The following MED13 variants were observed in gnomAD, a reference collection of about 807,000 sequenced individuals.
The protein encoded by MED13 is mediator complex subunit 13, also known as mediator of RNA polymerase II transcription subunit 13.
A neutral mutation model predicts 225.2 loss-of-function variants in MED13; 23 were observed. The ratio of observed to expected loss-of-function variants is 0.10; its 90% CI spans 0.07 to 0.14. The LOEUF (loss-of-function observed/expected upper bound fraction) is 0.14. Among genes scored for constraint, MED13 ranks in the 10% least tolerant of loss-of-function variants. The pLI is 1.00. For missense variants in MED13, 2,197 were observed against 2,594.5 expected (o/e 0.85, Z 3.33); for synonymous variants, 942 against 889.2 (o/e 1.06, Z -1.06).
chr17:61,989,746 T>C (rs1247162215), intron 11 of MED13, among the ~76,000 whole-genome samples: 3 of 152,244 alleles, frequency 2.0e-5, no homozygotes, highest in Non-Finnish European at 4.4e-5. Flanking sequence ...ACTGAGATTA[T>C]AGGCATGGGC....
At chr17:62,063,662 A>C (rs749860663) in intron 1 of MED13, among the ~76,000 whole-genome samples, 5 of 152,244 alleles carry the variant, frequency 3.3e-5, no homozygotes, top group Non-Finnish European at 5.9e-5. Flanking sequence ...CTTTTAACTG[A>C]AAATCAATTA....
chr17:62,025,716 C>T (rs2080694741), intron 8 of MED13, among the ~76,000 whole-genome samples: 2 of 152,224 alleles, frequency 1.3e-5, no homozygotes, highest in Admixed American at 1.3e-4. Flanking sequence ...AGGCAGTGGG[C>T]CAAATATGGC....
In MED13 at chr17:61,992,570, T is replaced by C. The variant is rs2080308626; in HGVS notation, c.2233A>G (p.Met745Val). The C allele has an allele frequency of 1.9e-6, 3 of 1,611,504 alleles. No individual in the cohort carries two copies. Among genetic ancestry groups the C allele is most frequent in the South Asian group, 2.2e-5 (2 of 90,940 alleles). Residue 745 changes from methionine (M) to valine (V), a missense_variant, in exon 11 of 30, where the codon ATG becomes GTG. Coordinates refer to ENST00000397786, the MANE Select transcript of MED13 (RefSeq NM_005121.3). ...TTGATAGAGGGACTAAATAATGACATAGCATCTTCTTCATGTGATAACACT... is the reference window on the plus strand; with the variant it reads ...TTGATAGAGGGACTAAATAATGACACAGCATCTTCTTCATGTGATAACACT... The part of the protein sequence containing the change: ...VTVLSHEEDA[M>V]SLFSPSIKQD...
chr17:61,954,670 G>A (rs7219120), intron 26 of MED13, among the ~76,000 whole-genome samples: 3,095 of 152,196 alleles, frequency 0.02, 101 homozygotes, highest in African/African-American at 0.071. Context: ...CCAGCTACTC[G>A]AGAAGCTGAG....
At chr17:61,992,477 T>G in intron 11 of MED13, 63 bp downstream of exon 11, 1 of 970,324 alleles carries the variant, frequency 1.0e-6, no homozygotes, top group Non-Finnish European at 1.6e-6. Flanking sequence ...TCCAACAATA[T>G]CAGATCAGTC....
intron 9 of MED13, chr17:62,005,931 C>G (rs1168969809): frequency 6.6e-6 from 1 of 152,134 alleles, no homozygotes. Context: ...TGCACAGCAG[C>G]CCGGAACTCC....
intron 8 of MED13, among the ~76,000 whole-genome samples, chr17:62,018,164 T>C (rs1389760394): frequency 1.3e-5 from 2 of 152,202 alleles, no homozygotes; most frequent in Admixed American, 6.5e-5. Context: ...TGCTTGAGCT[T>C]TCTAATACTT....
In MED13 at chr17:61,968,084, A is replaced by G; in HGVS notation, c.4142T>C (p.Leu1381Ser). Residue 1381 changes from leucine to serine, a missense_variant, in exon 18 of 30, where the codon TTG (leucine) becomes TCG (serine). Leu to Ser is a moderately radical substitution (Grantham distance 145, BLOSUM62 -2). Transcript: ENST00000397786. ...YVVLCPENEALLNGAKSFFRD... is the reference protein window; with the variant it reads ...YVVLCPENEASLNGAKSFFRD... ...AAAAAAGCTTTTTGCTCCATTTAAC[A>G]AGGCTTCATTTTCTGGACACAGTAC... The G allele has an allele frequency of 6.2e-7, 1 of 1,614,030 alleles. No individual in the cohort carries two copies. Among genetic ancestry groups the G allele is most frequent in the Non-Finnish European group, 8.5e-7 (1 of 1,179,956 alleles).
At chr17:61,976,392 T>C (rs2080156733) in intron 16 of MED13, among the ~76,000 whole-genome samples, 2 of 152,186 alleles carry the variant, frequency 1.3e-5, no homozygotes, top group South Asian at 2.1e-4. Flanking sequence ...TGGTTGTCTA[T>C]AGCTAGGAAA....
At chr17:62,026,193 AAC>A (rs1382583950) in intron 8 of MED13, among the ~76,000 whole-genome samples, 1 of 152,226 alleles carries the variant, frequency 6.6e-6, no homozygotes, top group Non-Finnish European at 1.5e-5. Flanking sequence ...AACTCTAGGC[AAC>A]ATAATTTTAA....
chr17:62,008,242 C>G (rs1272829576), intron 9 of MED13, among the ~76,000 whole-genome samples: 1 of 141,426 alleles, frequency 7.1e-6, no homozygotes, highest in Admixed American at 7.5e-5. Context: ...TGGTGTGAAC[C>G]AGGAGGCGGA....
At chr17:62,060,208 G>A (rs968699398) in intron 2 of MED13, among the ~76,000 whole-genome samples, 2 of 151,996 alleles carry the variant, frequency 1.3e-5, no homozygotes, top group African/African-American at 2.4e-5. Flanking sequence ...CAGGAGAATC[G>A]CTTGAACCCA....
intron 11 of MED13, among the ~76,000 whole-genome samples, chr17:61,991,393 G>A (rs2080297474): frequency 6.6e-6 from 1 of 151,830 alleles, no homozygotes; most frequent in Admixed American, 6.6e-5. Context: ...GTAAGCCATT[G>A]TGCCCAGCCC....
Position 62,033,941 on chromosome 17 carries a change from C to A in MED13, c.660G>T (p.Gln220His). 6.2e-7 allele frequency: 1 copy of A among 1,614,096 alleles called. No individual in the cohort carries two copies. The highest frequency in any genetic ancestry group is 8.5e-7 in the Non-Finnish European group (1 of 1,180,014). The change falls in exon 5 of 30, where the codon CAG becomes CAT. Residue 220 changes from glutamine to histidine, a missense_variant. This residue lies in a region of MED13 where 884 missense variants were observed against 918.5 expected (regional missense o/e 0.96). Coordinates refer to ENST00000397786, the MANE Select transcript of MED13 (RefSeq NM_005121.3). ...TAGCTGAATCAGACATCTTGAATGC[C>A]TGTCCTGTGAGAGTGCCATTTAGTC... The part of the protein sequence containing the change: ...PFGLNGTLTG[Q>H]AFKMSDSATK...
chr17:61,946,786 G>C, intron 29 of MED13, 131 bp downstream of exon 29: 7 of 1,070,452 alleles, frequency 6.5e-6, no homozygotes, highest in Non-Finnish European at 9.7e-6. Flanking sequence ...AGTTAGAATA[G>C]CAGTGTTTAT....
rs571701522 is a variant in MED13 at position 61,942,670 on chromosome 17, A to T, written c.*3798T>A. On this transcript the variant is annotated 3_prime_UTR_variant, in exon 30 of 30. Transcript: ENST00000397786. The stretch of plus-strand genomic sequence containing the variant: ...TTTTTGTTTTTGTTTTTTTTTTTTT[A>T]AAAAGTATAAACCTTTTCATTTCCT... 0.011 allele frequency: 1,576 copies of T among 148,540 alleles called. 13 individuals carry two copies. Among genetic ancestry groups the T allele is most frequent in the African/African-American group, 0.015 (595 of 40,256 alleles). 9.2% of individuals were successfully genotyped at this position (148,540 alleles called of 1,614,324 possible). A position where few individuals can be genotyped will look rare whatever the true frequency, so the allele number is the denominator to read the frequency against.
rs1288865082 is a variant in MED13, at chr17:61,966,616, T to C, written c.4227A>G (p.Arg1409=). 2.5e-6 allele frequency: 4 copies of C among 1,613,228 alleles called. No homozygotes were observed. Among genetic ancestry groups the C allele is most frequent in the East Asian group, 4.5e-5 (2 of 44,810 alleles). The part of the protein sequence containing the change: ...CRLGQHRPVS[R]LLTDGIMRVG... ...CTCTCATGATCCCATCTGTTAACAG[T>C]CGAGAAACAGGTCTATGTTGACCTA... Residue 1409 remains arginine, a synonymous_variant, in exon 19 of 30, where the codon CGA becomes CGG. Coordinates refer to ENST00000397786, the MANE Select transcript of MED13 (RefSeq NM_005121.3).
intron 23 of MED13, among the ~76,000 whole-genome samples, chr17:61,960,620 G>A (rs560217842): frequency 3.3e-5 from 5 of 152,072 alleles, no homozygotes; most frequent in African/African-American, 9.6e-5. Context: ...ATTGCCTCAA[G>A]CTTTATGACA....
At chr17:62,028,679 TAA>T (rs778025381) in intron 8 of MED13, among the ~76,000 whole-genome samples, 10 of 141,592 alleles carry the variant, frequency 7.1e-5, no homozygotes, top group Non-Finnish European at 7.7e-5. Context: ...GTCTCTACTT[TAA>T]AAAAAAAAAA....
Sources: gnomAD v4.1 joint callset for allele counts (sites outside exome capture counted in the v4.1 genomes callset) on GRCh38, gnomAD v4.1.1 for gene constraint, gnomAD v4.1.1 regional missense constraint, MANE v1.5 for transcripts, NCBI Gene and HGNC (gene_info 2026-07-23, HGNC 2026-07-21) for gene names.